LIG3: variants seen among roughly 807,000 people sequenced by gnomAD.
LIG3 encodes the protein DNA ligase 3.
In LIG3, 58 loss-of-function variants were observed where a neutral mutation model predicts 110.9. The observed-to-expected ratio is 0.52, with a 90% CI of 0.42 to 0.65. The LOEUF is 0.65. LIG3 is among the 30% of genes least tolerant of loss of function. The pLI is 0.00. For synonymous variants in LIG3, 422 were observed against 472.8 expected, an observed-to-expected ratio of 0.89 and a Z score of 1.39; for missense variants, 1,094 against 1,273.8, an observed-to-expected ratio of 0.86 and a Z score of 2.15.
Position 34,983,549 on chromosome 17 carries a change from G to T in LIG3, c.544G>T (p.Ala182Ser). 1.2e-6 allele frequency: 2 copies of T among 1,611,740 alleles called. No homozygotes were observed. The highest frequency in any genetic ancestry group is 1.7e-6 in the Non-Finnish European group (2 of 1,179,174). The change falls in exon 2 of 20, where the codon GCA (alanine) becomes TCA (serine). Residue 182 changes from alanine (A) to serine (S), a missense_variant. Ala to Ser is a moderately conservative substitution (Grantham distance 99, BLOSUM62 1). Transcript: ENST00000378526. The part of the protein sequence containing the change: ...NEKEQITQHI[A>S]DLSSKAAGTP... ...GAAGGAACAGATAACCCAGCACATT[G>T]CAGGTAAGGTAGAGAACACTGCTTT...
chr17:34,989,837 T>TTTGCA, intron 4 of LIG3, 174 bp downstream of exon 4: 1 of 629,458 alleles, frequency 1.6e-6, no homozygotes, highest in East Asian at 2.8e-5. Context: ...CGCATTTGCA[T>TTTGCA]TTTGCACTGT....
chr17:35,008,104 A>G lies in LIG3; in HGVS notation c.*3598A>G, dbSNP rs1237429060. ...CAGCTGTATCCAAAAGGTACCATGT[A>G]TCTCCCAGGGTAACCTGAAGACCTA... On this transcript the variant is annotated 3_prime_UTR_variant, in exon 20 of 20. Coordinates refer to ENST00000378526, the MANE Select transcript of LIG3 (RefSeq NM_013975.4). The G allele has an allele frequency of 6.6e-6, 1 of 152,218 alleles. No individual in the cohort carries two copies. The highest frequency in any genetic ancestry group is 6.5e-5 in the Admixed American group (1 of 15,288). 9.4% of individuals were successfully genotyped at this position (152,218 alleles called of 1,614,324 possible). A position where few individuals can be genotyped will look rare whatever the true frequency, so the allele number is the denominator to read the frequency against.
rs2090886127 is a variant in LIG3 at position 35,005,236 on chromosome 17, T to G, written c.*730T>G. 1 of 474,398 alleles carries G rather than the reference T, an allele frequency of 2.1e-6. No homozygotes were observed. The highest frequency in any genetic ancestry group is 2.0e-5 in the African/African-American group (1 of 50,706). The allele number at this position is 474,398 out of a possible 1,614,324, so 29.4% of individuals were successfully genotyped here. On this transcript the variant is annotated 3_prime_UTR_variant, in exon 20 of 20. Transcript: ENST00000378526. ...CATCCCCAAAACCTGGAAACAAGACTGTTCTTTAAGAATAAAAATCCACAT... is the reference window on the plus strand; with the variant it reads ...CATCCCCAAAACCTGGAAACAAGACGGTTCTTTAAGAATAAAAATCCACAT...
chr17:34,992,315 C>T (rs1323224040), intron 7 of LIG3, among the ~76,000 whole-genome samples: 9 of 152,248 alleles, frequency 5.9e-5, no homozygotes, highest in Admixed American at 5.2e-4. Context: ...GCCCCCTCCT[C>T]GCTAAGGCGG....
At chr17:35,001,584 C>T (rs1399844753) in intron 17 of LIG3, among the ~76,000 whole-genome samples, 181 bp downstream of exon 17, 1 of 152,174 alleles carries the variant, frequency 6.6e-6, no homozygotes, top group Non-Finnish European at 1.5e-5. Flanking sequence ...CAGCACTAGA[C>T]CTCCTTCTCC....
chr17:34,980,736 G>T, intron 1 of LIG3, 114 bp downstream of exon 1: 1 of 514,844 alleles, frequency 1.9e-6, no homozygotes, highest in Non-Finnish European at 2.5e-6. Context: ...CTCCTCCCCC[G>T]CCCGCCTGCG....
chr17:34,994,469 C>G, intron 9 of LIG3, 38 bp downstream of exon 9: 1 of 1,597,884 alleles, frequency 6.3e-7, no homozygotes, highest in African/African-American at 1.3e-5. Context: ...CCGTCTTTCC[C>G]CTTTCTGCCT....
At chr17:34,981,135 C>A (rs1412137696) in intron 1 of LIG3, 1 of 152,384 alleles carries the variant, frequency 6.6e-6, no homozygotes, top group Non-Finnish European at 1.5e-5. Context: ...CTTCTCGGGC[C>A]CCTGGGCTGC....
Position 34,988,723 on chromosome 17 carries a change from G to A in LIG3, c.692-743G>A, listed in dbSNP as rs189821688. Among the ~76,000 whole-genome samples, 16 of 152,264 alleles carry A rather than the reference G, an allele frequency of 1.1e-4. 1 individual carries two copies. The highest frequency in any genetic ancestry group is 2.6e-4 in the Admixed American group (4 of 15,296). On this transcript the variant is annotated intron_variant, in intron 3 of 19. Coordinates refer to ENST00000378526, the MANE Select transcript of LIG3 (RefSeq NM_013975.4). Reference sequence around the variant, plus strand: ...ATAAGAAAAGAAAAGTTGAAGCAGCGAGGGGTAGGGATGTTGAGTGTACTA... The same window carrying A: ...ATAAGAAAAGAAAAGTTGAAGCAGCAAGGGGTAGGGATGTTGAGTGTACTA...
At chr17:35,001,455 G>A in intron 17 of LIG3, 52 bp downstream of exon 17, 1 of 1,565,372 alleles carries the variant, frequency 6.4e-7, no homozygotes, top group Admixed American at 1.7e-5. Flanking sequence ...TCCAGGCCTT[G>A]GAGCCTTGGG....
rs528259172 is a variant in LIG3, at chr17:34,996,267, G to A, written c.1743+72G>A. On this transcript the variant is annotated intron_variant, in intron 10 of 19. Coordinates refer to ENST00000378526, the MANE Select transcript of LIG3 (RefSeq NM_013975.4). ...GTATGTACATGTGGGTGCACGCTGC[G>A]GTCTGAAAAGGGAGGAAATATCCCT... 5.8e-4 allele frequency: 866 copies of A among 1,505,662 alleles called. 8 individuals carry two copies. The South Asian group carries it at 9.2e-3, about 16-fold the overall frequency. The allele number at this position is 1,505,662 out of a possible 1,614,324, so 93.3% of individuals were successfully genotyped here. A position where few individuals can be genotyped will look rare whatever the true frequency, so the allele number is the denominator to read the frequency against.
chr17:35,009,744 G>C (rs901957948), downstream of LIG3: 6 of 152,356 alleles, frequency 3.9e-5, no homozygotes, highest in Non-Finnish European at 8.8e-5. Context: ...TTTTCGATTT[G>C]TGTCTAGGAG....
chr17:34,989,616 C>T lies in LIG3; in HGVS notation c.842C>T (p.Thr281Met). ...GTGGCCGATAATCCTAGCTACAACA[C>T]GAAGACCCAGATCATCCAGGACTTC... ...AMVADNPSYN[T>M]KTQIIQDFLR... Residue 281 changes from threonine (T) to methionine (M), a missense_variant, in exon 4 of 20, where the codon ACG becomes ATG. Thr to Met is a moderately conservative substitution (Grantham distance 81, BLOSUM62 -1). Transcript: ENST00000378526. The T allele has an allele frequency of 3.1e-6, 5 of 1,614,132 alleles. No individual in the cohort carries two copies. In the South Asian group the frequency reaches 3.3e-5, roughly 11 times the overall value.
At chr17:34,982,317 C>A (rs2090604587) in intron 1 of LIG3, among the ~76,000 whole-genome samples, 2 of 152,156 alleles carry the variant, frequency 1.3e-5, no homozygotes, top group Non-Finnish European at 2.9e-5. Context: ...ATAAAAACTT[C>A]ATGAACATAA....
In LIG3 at chr17:35,003,056, C is replaced by G. The variant is rs780188484; in HGVS notation, c.2796+267C>G. 2.5e-6 allele frequency: 4 copies of G among 1,614,098 alleles called. No individual in the cohort carries two copies. In the Admixed American group the frequency reaches 5.0e-5, roughly 20 times the overall value. ...CCAGCAGGCAGGAGATAGAACAGCC[C>G]GGCCTAGCCAGGAGAGACTGCAGGG... On this transcript the variant is annotated intron_variant, in intron 19 of 19. Coordinates refer to ENST00000378526, the MANE Select transcript of LIG3 (RefSeq NM_013975.4).
intron 16 of LIG3, among the ~76,000 whole-genome samples, chr17:35,000,391 T>C (rs970071644): frequency 1.3e-5 from 2 of 152,164 alleles, no homozygotes; most frequent in African/African-American, 4.8e-5. Context: ...CCCAGGTAGC[T>C]GGGATTACAG....
At position 34,980,600 on chromosome 17, in the gene LIG3, G is replaced by A; in HGVS notation, c.-27G>A. 2.3e-6 allele frequency: 3 copies of A among 1,284,974 alleles called. No homozygotes were observed. The highest frequency in any genetic ancestry group is 3.0e-6 in the Non-Finnish European group (3 of 986,538). The allele number at this position is 1,284,974 out of a possible 1,614,324, so 79.6% of individuals were successfully genotyped here. On this transcript the variant is annotated 5_prime_UTR_variant, in exon 1 of 20. An upstream open reading frame in the 5' UTR loses its in-frame stop. Coordinates refer to ENST00000378526, the MANE Select transcript of LIG3 (RefSeq NM_013975.4). Reference sequence around the variant, plus strand: ...ATGAGCAAGTTCCGAGGCCTACGGTGAGCGCCGGAGCCGGAGAGGCAGGTG... The same window carrying A: ...ATGAGCAAGTTCCGAGGCCTACGGTAAGCGCCGGAGCCGGAGAGGCAGGTG...
At position 35,001,976 on chromosome 17, in the gene LIG3, C is replaced by T. The variant is rs746212197; in HGVS notation, c.2546C>T (p.Thr849Ile). 1.5e-5 allele frequency: 25 copies of T among 1,613,052 alleles called. No homozygotes were observed. The highest frequency in any genetic ancestry group is 2.1e-5 in the Non-Finnish European group (25 of 1,179,628). The change falls in exon 18 of 20, where the codon ACT (threonine) becomes ATT (isoleucine). Residue 849 changes from threonine (T) to isoleucine (I), a missense_variant. Thr to Ile is a moderately conservative substitution (Grantham distance 89). Coordinates refer to ENST00000378526, the MANE Select transcript of LIG3 (RefSeq NM_013975.4). ...GTGGCTGGAGATGAGGGGAGCTCCA[C>T]TACAGGGGGTAGCAGTGAAGAGAAT... is the stretch of plus-strand genomic sequence containing the variant. ...TVVAGDEGSS[T>I]TGGSSEENKG...
chr17:34,999,528 AG>A (rs1481958532), intron 15 of LIG3, 79 bp downstream of exon 15: 2 of 1,518,138 alleles, frequency 1.3e-6, no homozygotes, highest in African/African-American at 1.4e-5. Flanking sequence ...TGGGGACTAC[AG>A]GTATTTCTGT....
Sources: gnomAD v4.1 joint callset for allele counts (sites outside exome capture counted in the v4.1 genomes callset) on GRCh38, gnomAD v4.1.1 for gene constraint, MANE v1.5 for transcripts, NCBI Gene and HGNC (gene_info 2026-07-23, HGNC 2026-07-21) for gene names.